The following ITPK1 variants were observed in gnomAD, a reference collection of about 807,000 sequenced individuals.
The protein encoded by ITPK1 is inositol-tetrakisphosphate 1-kinase.
ITPK1 carries 21 observed loss-of-function variants against 45.3 expected under a neutral mutation model. That is an observed-to-expected ratio of 0.46 (90% CI 0.33 to 0.67). The LOEUF (loss-of-function observed/expected upper bound fraction) is 0.67. Among genes scored for constraint, ITPK1 ranks in the 30% least tolerant of loss-of-function variants. The pLI is 0.02. For missense variants in ITPK1, 474 were observed against 573.5 expected, an observed-to-expected ratio of 0.83 and a Z score of 1.77; for synonymous variants, 258 against 253.6, an observed-to-expected ratio of 1.02 and a Z score of -0.16.
rs562047807 is a variant in ITPK1 at position 93,008,401 on chromosome 14, G to A, written c.246+8275C>T. On this transcript the variant is annotated intron_variant, in intron 4 of 10. Transcript: ENST00000267615. ...CTGTAATGTCTTTTAGGAGAACTCT[G>A]GCAGACAGTAAGTTCTCACTAAGAC... 1.9e-3 allele frequency among the ~76,000 whole-genome samples: 292 copies of A among 152,292 alleles called. 1 individual carries two copies. The highest frequency in any genetic ancestry group is 3.5e-3 in the Non-Finnish European group (237 of 68,020).
At position 92,993,955 on chromosome 14, in the gene ITPK1, G is replaced by C; in HGVS notation, c.289C>G (p.Leu97Val). ...AHPETIVLDP[L>V]PAIRTLLDRS... is the part of the protein sequence containing the mutation. ...TCAAGCAGGGTTCTGATGGCAGGGA[G>C]CGGGTCCAGGACGATGGTCTCAGGG... The change falls in exon 5 of 11, where the codon CTC (leucine) becomes GTC (valine). Residue 97 changes from leucine to valine, a missense_variant. Leu to Val is a conservative substitution (Grantham distance 32, BLOSUM62 1). Transcript: ENST00000267615. 1 of 1,614,018 alleles carries C rather than the reference G, an allele frequency of 6.2e-7. No homozygotes were observed. The highest frequency in any genetic ancestry group is 8.5e-7 in the Non-Finnish European group (1 of 1,179,936).
intron 2 of ITPK1, among the ~76,000 whole-genome samples, chr14:93,096,160 G>A (rs78696526): frequency 0.019 from 2,850 of 152,208 alleles, 72 homozygotes; most frequent in Admixed American, 0.08. Context: ...TCCCTCCTGT[G>A]CCCCTGGGGC....
intron 2 of ITPK1, among the ~76,000 whole-genome samples, chr14:93,107,282 C>T (rs956643583): frequency 1.3e-5 from 2 of 152,088 alleles, no homozygotes; most frequent in African/African-American, 2.4e-5. Flanking sequence ...TTTTGAGCTC[C>T]TATGTGCACT....
Position 92,940,213 on chromosome 14 carries a change from G to A in ITPK1, c.*1348C>T. The A allele has an allele frequency of 1.0e-6, 1 of 986,374 alleles. No homozygotes were observed. The highest frequency in any genetic ancestry group is 1.2e-6 in the Non-Finnish European group (1 of 830,572). The allele number at this position is 986,374 out of a possible 1,614,324, so 61.1% of individuals were successfully genotyped here. On this transcript the variant is annotated 3_prime_UTR_variant, in exon 11 of 11. Transcript: ENST00000267615. ...AGCGTCCTCCATCTCACTGGGCAGA[G>A]GACAGCCCGGAAGCCTTTTTCACTT...
intron 2 of ITPK1, among the ~76,000 whole-genome samples, chr14:93,081,060 T>C (rs921754858): frequency 1.3e-4 from 19 of 149,446 alleles, no homozygotes; most frequent in Admixed American, 1.3e-3. Flanking sequence ...CCGGGCATGG[T>C]GGCTCACGCC....
chr14:93,046,289 A>G (rs1475395201), intron 3 of ITPK1, among the ~76,000 whole-genome samples: 1 of 151,982 alleles, frequency 6.6e-6, no homozygotes, highest in African/African-American at 2.4e-5. Flanking sequence ...TGCTACTCCC[A>G]TTTTCTATTC....
rs1461285509 is a variant in ITPK1, at chr14:92,989,059, G to C, written c.364+4821C>G. On this transcript the variant is annotated intron_variant, in intron 5 of 10. Coordinates refer to ENST00000267615, the MANE Select transcript of ITPK1 (RefSeq NM_014216.6). ...GAGCCAGTTCCTGCCTCTGGGAGCA[G>C]CTCCCCACCAATCACAAACACCCAC... Among the ~76,000 whole-genome samples the C allele has an allele frequency of 2.0e-5, 3 of 152,210 alleles. No individual in the cohort carries two copies. In the East Asian group the frequency reaches 5.8e-4, roughly 29 times the overall value.
At chr14:93,021,329 G>C (rs941698679) in intron 3 of ITPK1, among the ~76,000 whole-genome samples, 4 of 151,744 alleles carry the variant, frequency 2.6e-5, no homozygotes, top group African/African-American at 9.7e-5. Context: ...ATAGTGGCTT[G>C]TGCCTGTAAT....
In ITPK1 at chr14:92,941,686, C is replaced by T; in HGVS notation, c.1120G>A (p.Ala374Thr). Residue 374 changes from alanine to threonine, a missense_variant, in exon 11 of 11, where the codon GCT (alanine) becomes ACT (threonine). Physicochemically the swap from Ala to Thr is moderately conservative, Grantham distance 58. Coordinates refer to ENST00000267615, the MANE Select transcript of ITPK1 (RefSeq NM_014216.6). ...GCGGTGCCGCCCGCGTCGGCCTCAGCCTTCCAGGGCGCGTCCTGGCCCATC... is the reference window on the plus strand; with the variant it reads ...GCGGTGCCGCCCGCGTCGGCCTCAGTCTTCCAGGGCGCGTCCTGGCCCATC... Reference protein sequence around the residue: ...SMMGQDAPWKAEADAGGTAKL... With the variant: ...SMMGQDAPWKTEADAGGTAKL... 2 of 1,550,808 alleles carry T rather than the reference C, an allele frequency of 1.3e-6. No homozygotes were observed. Among genetic ancestry groups the T allele is most frequent in the Non-Finnish European group, 8.7e-7 (1 of 1,150,626 alleles).
At chr14:93,021,011 G>C (rs1303130982) in intron 3 of ITPK1, among the ~76,000 whole-genome samples, 1 of 152,040 alleles carries the variant, frequency 6.6e-6, no homozygotes, top group Non-Finnish European at 1.5e-5. Context: ...GCAGTACCTA[G>C]CCAGTGACAC....
At chr14:93,068,193 T>G (rs1295869891) in intron 3 of ITPK1, 1 of 152,248 alleles carries the variant, frequency 6.6e-6, no homozygotes, top group East Asian at 1.9e-4. Context: ...CTGTCATCCC[T>G]TTAAAGAGGA....
Position 92,953,171 on chromosome 14 carries a change from T to A in ITPK1, c.671-1158A>T, listed in dbSNP as rs559373954. On this transcript the variant is annotated intron_variant, in intron 8 of 10. Transcript: ENST00000267615. ...GCCAACGACCCATCAGCTCCAGGACTTCACAGCGCCGCAACAATTATGCAT... is the reference window on the plus strand; with the variant it reads ...GCCAACGACCCATCAGCTCCAGGACATCACAGCGCCGCAACAATTATGCAT... 1.2e-4 allele frequency among the ~76,000 whole-genome samples: 18 copies of A among 152,358 alleles called. No individual in the cohort carries two copies. The South Asian group carries it at 3.7e-3, about 32-fold the overall frequency.
rs184612077 is a variant in ITPK1, at chr14:93,088,091, C to T, written c.96-11472G>A. On this transcript the variant is annotated intron_variant, in intron 2 of 10. Transcript: ENST00000267615. ...CGCTTCATCGGCTACCCGAGAGACT[C>T]TCCAGTTTCAGAGAGGATTCCAGGG... 1.2e-4 allele frequency among the ~76,000 whole-genome samples: 19 copies of T among 152,334 alleles called. No homozygotes were observed. The East Asian group carries it at 3.3e-3, about 26-fold the overall frequency.
chr14:92,987,725 C>T lies in ITPK1; in HGVS notation c.364+6155G>A, dbSNP rs1234240776. 3.3e-5 allele frequency among the ~76,000 whole-genome samples: 5 copies of T among 152,266 alleles called. No individual in the cohort carries two copies. The South Asian group carries it at 8.3e-4, about 25-fold the overall frequency. ...ACACCCCCCATCTGTAAAGGGGGAACGCTACAGCTGAGGGAAGGAGCAGCT... is the reference window on the plus strand; with the variant it reads ...ACACCCCCCATCTGTAAAGGGGGAATGCTACAGCTGAGGGAAGGAGCAGCT... On this transcript the variant is annotated intron_variant, in intron 5 of 10. Coordinates refer to ENST00000267615, the MANE Select transcript of ITPK1 (RefSeq NM_014216.6).
chr14:92,983,960 G>A (rs77225095), intron 5 of ITPK1, among the ~76,000 whole-genome samples: 4 of 152,192 alleles, frequency 2.6e-5, no homozygotes, highest in Non-Finnish European at 4.4e-5. Context: ...GGCTAACATG[G>A]AAAGAAGCGA....
chr14:93,017,125 C>A (rs1260117969), intron 3 of ITPK1, among the ~76,000 whole-genome samples: 1 of 152,170 alleles, frequency 6.6e-6, no homozygotes, highest in Non-Finnish European at 1.5e-5. Context: ...ACAGGCCAGG[C>A]AAGTGATGCT....
At chr14:93,105,232 G>A (rs1049806115) in intron 2 of ITPK1, among the ~76,000 whole-genome samples, 1 of 152,136 alleles carries the variant, frequency 6.6e-6, no homozygotes, top group African/African-American at 2.4e-5. Flanking sequence ...AGACCCAGGA[G>A]CCAGCCTGGG....
intron 5 of ITPK1, among the ~76,000 whole-genome samples, chr14:92,982,731 T>C (rs1401106359): frequency 6.6e-6 from 1 of 152,174 alleles, no homozygotes; most frequent in African/African-American, 2.4e-5. Flanking sequence ...AATAGGAAAT[T>C]AACACATCCA....
At chr14:93,097,151 G>A (rs535024514) in intron 2 of ITPK1, among the ~76,000 whole-genome samples, 38 of 152,336 alleles carry the variant, frequency 2.5e-4, no homozygotes, top group African/African-American at 8.9e-4. Flanking sequence ...CGGCCAACGC[G>A]CAGACCCGGA....
Sources: gnomAD v4.1 joint callset for allele counts (sites outside exome capture counted in the v4.1 genomes callset) on GRCh38, gnomAD v4.1.1 for gene constraint, MANE v1.5 for transcripts, NCBI Gene and HGNC (gene_info 2026-07-23, HGNC 2026-07-21) for gene names.